The following CFAP96 variants were observed in gnomAD, a reference collection of about 807,000 sequenced individuals.
The protein encoded by CFAP96 is cilia and flagella associated protein 96.
chr4:185,418,849 G>A, the CFAP96 span: 1 of 1,160,840 alleles, frequency 8.6e-7, no homozygotes, highest in Admixed American at 3.1e-5. Flanking sequence ...CACAAAAGTA[G>A]AGCATAGTAA....
chr4:185,433,937 C>T, the CFAP96 span, among the ~76,000 whole-genome samples: 3 of 150,658 alleles, frequency 2.0e-5, no homozygotes, highest in Middle Eastern at 3.5e-3. Flanking sequence ...TGAGGATTTT[C>T]GGTGGGTGCA....
chr4:185,420,795 G>A, the CFAP96 span, among the ~76,000 whole-genome samples: 1 of 152,160 alleles, frequency 6.6e-6, no homozygotes, highest in Non-Finnish European at 1.5e-5. Flanking sequence ...TTTGTTGAGT[G>A]TTGACAGAGT....
the CFAP96 span, chr4:185,432,000 C>T: frequency 1.3e-6 from 2 of 1,551,330 alleles, no homozygotes; most frequent in African/African-American, 1.4e-5. Flanking sequence ...AATGAGGCTG[C>T]AAGCAAAAAT....
chr4:185,425,840 G>A, the CFAP96 span: 1 of 1,601,552 alleles, frequency 6.2e-7, no homozygotes, highest in Admixed American at 1.7e-5. Flanking sequence ...AAAACACAGG[G>A]GTCGGTGACG....
the CFAP96 span, chr4:185,445,154 T>TA: frequency 2.0e-6 from 3 of 1,533,212 alleles, no homozygotes; most frequent in Non-Finnish European, 2.6e-6. Context: ...ACACTTAGCT[T>TA]ACAAACTAAG....
the CFAP96 span, among the ~76,000 whole-genome samples, chr4:185,409,508 T>A: frequency 6.6e-6 from 1 of 152,030 alleles, no homozygotes; most frequent in Admixed American, 6.6e-5. Context: ...ATGATATTTT[T>A]AAAAAATTAA....
chr4:185,408,730 A>G, the CFAP96 span, among the ~76,000 whole-genome samples: 464 of 152,220 alleles, frequency 3.0e-3, 21 homozygotes, highest in East Asian at 0.076. Context: ...ACCAGGGGCA[A>G]TATGACCTTG....
the CFAP96 span, among the ~76,000 whole-genome samples, chr4:185,435,811 T>C: frequency 6.6e-6 from 1 of 152,170 alleles, no homozygotes; most frequent in Admixed American, 6.5e-5. Flanking sequence ...TGAGAATGAT[T>C]CTAACTTCCT....
At chr4:185,444,733 T>C in the CFAP96 span, among the ~76,000 whole-genome samples, 1 of 152,208 alleles carries the variant, frequency 6.6e-6, no homozygotes, top group Non-Finnish European at 1.5e-5. Context: ...TAGTTTAGAC[T>C]GTTACCTTAC....
the CFAP96 span, among the ~76,000 whole-genome samples, chr4:185,446,658 T>C: frequency 6.6e-6 from 1 of 152,226 alleles, no homozygotes; most frequent in Non-Finnish European, 1.5e-5. Context: ...CAAAAAATGA[T>C]TTTACATAAG....
chr4:185,436,437 C>T, the CFAP96 span: 1 of 1,050,154 alleles, frequency 9.5e-7, no homozygotes, highest in East Asian at 2.7e-5. Context: ...TGAGGCCGGG[C>T]ACGGTGGCTC....
the CFAP96 span, among the ~76,000 whole-genome samples, chr4:185,435,424 ATGAC>A: frequency 2.0e-5 from 3 of 152,242 alleles, no homozygotes; most frequent in South Asian, 4.1e-4. Context: ...ATTAGAGACT[ATGAC>A]TGTTGCTGAC....
At chr4:185,434,572 A>G in the CFAP96 span, among the ~76,000 whole-genome samples, 1 of 152,152 alleles carries the variant, frequency 6.6e-6, no homozygotes, top group Non-Finnish European at 1.5e-5. Context: ...ACAGTTTTAT[A>G]ATTAGACTAG....
chr4:185,449,259 G>A, the CFAP96 span, among the ~76,000 whole-genome samples: 2 of 152,048 alleles, frequency 1.3e-5, no homozygotes, highest in African/African-American at 2.4e-5. Context: ...GTGTTGGCTC[G>A]TGTGTAATCT....
At chr4:185,440,520 T>G in the CFAP96 span, 1 of 1,466,456 alleles carries the variant, frequency 6.8e-7, no homozygotes, top group Non-Finnish European at 9.0e-7. Context: ...CTATGTAATT[T>G]CAAACTCTTT....
the CFAP96 span, among the ~76,000 whole-genome samples, chr4:185,439,234 A>G: frequency 2.7e-4 from 41 of 152,196 alleles, no homozygotes; most frequent in African/African-American, 9.7e-4. Flanking sequence ...TCCCATGACA[A>G]GTAAATTTTG....
At chr4:185,414,407 T>C in the CFAP96 span, among the ~76,000 whole-genome samples, 1 of 152,208 alleles carries the variant, frequency 6.6e-6, no homozygotes, top group East Asian at 1.9e-4. Flanking sequence ...TTCCCAACTA[T>C]ATAAAAACAT....
chr4:185,439,800 G>A, the CFAP96 span, among the ~76,000 whole-genome samples: 1 of 51,224 alleles, frequency 2.0e-5, no homozygotes, highest in African/African-American at 4.4e-5. Flanking sequence ...GTATATGTAA[G>A]ATATATACAT....
At chr4:185,443,718 A>G in the CFAP96 span, among the ~76,000 whole-genome samples, 1 of 151,932 alleles carries the variant, frequency 6.6e-6, no homozygotes, top group Non-Finnish European at 1.5e-5. Context: ...TAATTCTATT[A>G]CAGATTTAGC....
Sources: allele counts gnomAD v4.1 joint callset (sites outside exome capture counted in the v4.1 genomes callset), GRCh38; gene constraint gnomAD v4.1.1; transcripts MANE v1.5; gene names NCBI Gene and HGNC (gene_info 2026-07-23, HGNC 2026-07-21).